The following ADGRL3 variants were observed in gnomAD, a reference collection of about 807,000 sequenced individuals.
ADGRL3 encodes calcium-independent alpha-latrotoxin receptor 3.
ADGRL3 carries 62 observed loss-of-function variants against 153.5 expected under a neutral mutation model. The observed-to-expected ratio is 0.40, with a 90% CI of 0.33 to 0.50. The LOEUF (loss-of-function observed/expected upper bound fraction) is 0.50, where lower values mean the gene tolerates loss of function less well. ADGRL3 is among the 20% of genes least tolerant of loss of function. ADGRL3 has a pLI of 0.47. For synonymous variants in ADGRL3, 710 were observed against 672.5 expected (o/e 1.06, Z -0.86); for missense variants, 1,641 against 1,859.4 (o/e 0.88, Z 2.16).
intron 2 of ADGRL3, among the ~76,000 whole-genome samples, chr4:61,471,812 T>C (rs2097958656): frequency 6.6e-6 from 1 of 152,082 alleles, no homozygotes; most frequent in Non-Finnish European, 1.5e-5. Context: ...AACAGAGTTT[T>C]TCTTAATTGT....
intron 25 of ADGRL3, among the ~76,000 whole-genome samples, chr4:62,057,020 A>G (rs1737389387): frequency 1.3e-5 from 2 of 152,160 alleles, no homozygotes; most frequent in South Asian, 2.1e-4. Context: ...ATGTAAGTGC[A>G]TTAAAAAAAA....
At chr4:61,647,122 G>T (rs1358338284) in intron 5 of ADGRL3, among the ~76,000 whole-genome samples, 2 of 152,024 alleles carry the variant, frequency 1.3e-5, no homozygotes, top group Non-Finnish European at 2.9e-5. Flanking sequence ...GCAATGCCTC[G>T]CCCTGCTTCA....
intron 1 of ADGRL3, among the ~76,000 whole-genome samples, chr4:61,305,034 A>G (rs966986579): frequency 1.3e-5 from 2 of 152,186 alleles, no homozygotes; most frequent in Admixed American, 6.5e-5. Flanking sequence ...TAACTAATTA[A>G]ATTGGAAGAG....
intron 9 of ADGRL3, among the ~76,000 whole-genome samples, chr4:61,857,006 T>TTCTTTCTTTCTTTCTC (rs796589157): frequency 0.017 from 1,891 of 112,712 alleles, 112 homozygotes; most frequent in Middle Eastern, 0.025. Context: ...CTTTCTTTCT[T>TTCTTTCTTTCTTTCTC]TCTTTCTTTC....
At chr4:61,939,311 T>TACAAC in intron 15 of ADGRL3, among the ~76,000 whole-genome samples, 1 of 152,144 alleles carries the variant, frequency 6.6e-6, no homozygotes. Context: ...AATTTGACAG[T>TACAAC]TGTACATAAT....
chr4:61,574,969 C>T (rs1345200553), intron 4 of ADGRL3, among the ~76,000 whole-genome samples: 11 of 151,426 alleles, frequency 7.3e-5, no homozygotes, highest in South Asian at 2.1e-4. Context: ...GCTGCTTTCT[C>T]GGGAATATTA....
intron 9 of ADGRL3, among the ~76,000 whole-genome samples, chr4:61,864,018 A>G (rs2098376192): frequency 6.6e-6 from 1 of 152,196 alleles, no homozygotes; most frequent in Admixed American, 6.5e-5. Context: ...CATTTATAAC[A>G]TATATTTTAC....
At chr4:61,713,907 T>G (rs2096054636) in intron 6 of ADGRL3, among the ~76,000 whole-genome samples, 1 of 152,170 alleles carries the variant, frequency 6.6e-6, no homozygotes, top group African/African-American at 2.4e-5. Context: ...ATCAGGTGTA[T>G]CTAAGCTGTT....
chr4:61,844,088 A>C (rs1310367904), intron 9 of ADGRL3, among the ~76,000 whole-genome samples: 1 of 151,388 alleles, frequency 6.6e-6, no homozygotes, highest in African/African-American at 2.4e-5. Flanking sequence ...GCCTGCTCAA[A>C]AATGCATAAA....
At chr4:61,878,603 T>TG (rs905435735) in intron 9 of ADGRL3, among the ~76,000 whole-genome samples, 1 of 152,204 alleles carries the variant, frequency 6.6e-6, no homozygotes, top group African/African-American at 2.4e-5. Flanking sequence ...GGTACATGAA[T>TG]GATCACATTT....
At chr4:61,908,608 C>CA (rs5858741) in intron 11 of ADGRL3, among the ~76,000 whole-genome samples, 31,051 of 89,448 alleles carry the variant, frequency 0.35, 3,952 homozygotes, top group East Asian at 0.47. Context: ...AACAACGCCT[C>CA]AAAAAAAAAA....
chr4:61,432,049 C>A (rs185320407), intron 2 of ADGRL3, among the ~76,000 whole-genome samples: 1 of 152,192 alleles, frequency 6.6e-6, no homozygotes, highest in African/African-American at 2.4e-5. Flanking sequence ...GAATCAGTTG[C>A]CTTGCTTGGT....
chr4:61,230,204 A>C (rs1333029025), intron 1 of ADGRL3, among the ~76,000 whole-genome samples: 1 of 152,184 alleles, frequency 6.6e-6, no homozygotes, highest in Admixed American at 6.5e-5. Context: ...GTCTGCTAGA[A>C]GCCCTTAACA....
At chr4:61,410,531 A>G (rs1049348719) in intron 2 of ADGRL3, among the ~76,000 whole-genome samples, 2 of 152,164 alleles carry the variant, frequency 1.3e-5, no homozygotes, top group Non-Finnish European at 1.5e-5. Flanking sequence ...TGTGTAATCT[A>G]TGAACAAGTC....
chr4:61,534,245 T>C (rs891488077), intron 4 of ADGRL3, among the ~76,000 whole-genome samples: 1 of 152,130 alleles, frequency 6.6e-6, no homozygotes, highest in Non-Finnish European at 1.5e-5. Context: ...TGTCAAAGAT[T>C]AGTTGGTTGT....
chr4:61,908,249 T>C (rs1485235759), intron 11 of ADGRL3, among the ~76,000 whole-genome samples: 2 of 151,964 alleles, frequency 1.3e-5, no homozygotes, highest in Non-Finnish European at 2.9e-5. Context: ...ATTGTGCCCC[T>C]GCACTTCTTC....
At chr4:61,395,505 C>G (rs1046559430) in intron 2 of ADGRL3, among the ~76,000 whole-genome samples, 6 of 151,748 alleles carry the variant, frequency 4.0e-5, no homozygotes, top group Admixed American at 3.3e-4. Context: ...CAGATAATTT[C>G]TATTAACTTT....
intron 19 of ADGRL3, among the ~76,000 whole-genome samples, 178 bp from the exon 20 acceptor site, chr4:61,996,113 A>G (rs940836084): frequency 1.1e-4 from 17 of 152,164 alleles, no homozygotes; most frequent in Admixed American, 2.0e-4. Context: ...TACTCCATCA[A>G]TAGTGCTGTC....
At chr4:61,496,504 A>T (rs149564064) in intron 2 of ADGRL3, among the ~76,000 whole-genome samples, 1,747 of 152,140 alleles carry the variant, frequency 0.011, 64 homozygotes, top group Admixed American at 0.064. Flanking sequence ...TCTCTGCTAA[A>T]AATACAAAAT....
Sources: allele counts gnomAD v4.1 joint callset (sites outside exome capture counted in the v4.1 genomes callset), GRCh38; gene constraint gnomAD v4.1.1; transcripts MANE v1.5; gene names NCBI Gene and HGNC (gene_info 2026-07-23, HGNC 2026-07-21).